The following CHN1 variants were observed in gnomAD, a reference collection of about 807,000 sequenced individuals.
CHN1 encodes chimerin 1.
A neutral mutation model predicts 59.5 loss-of-function variants in CHN1; 37 were observed. The ratio of observed to expected loss-of-function variants is 0.62; its 90% CI spans 0.48 to 0.82. The LOEUF is 0.82. Among genes scored for constraint, CHN1 ranks in the 40% least tolerant of loss-of-function variants. CHN1 has a pLI of 0.00. For synonymous variants in CHN1, 206 were observed against 200.4 expected (o/e 1.03, Z -0.24); for missense variants, 469 against 571.0 (o/e 0.82, Z 1.82).
At chr2:174,832,761 G>GA (rs776619520) in intron 7 of CHN1, among the ~76,000 whole-genome samples, 1 of 152,016 alleles carries the variant, frequency 6.6e-6, no homozygotes, top group Non-Finnish European at 1.5e-5. Flanking sequence ...TTCATTAGGT[G>GA]AACATTATAG....
intron 5 of CHN1, among the ~76,000 whole-genome samples, chr2:174,912,883 TG>T (rs1688742784): frequency 6.6e-6 from 1 of 152,190 alleles, no homozygotes. Context: ...AATGATTTTA[TG>T]GCAATTTTCA....
intron 1 of CHN1, among the ~76,000 whole-genome samples, chr2:174,980,118 A>G (rs1691093015): frequency 6.6e-6 from 1 of 152,152 alleles, no homozygotes; most frequent in Non-Finnish European, 1.5e-5. Flanking sequence ...CTTTTTCTCA[A>G]GTCTAAGTGA....
chr2:174,870,264 T>A lies in CHN1; in HGVS notation c.549+7576A>T, dbSNP rs535143709. On this transcript the variant is annotated intron_variant, in intron 6 of 12. Transcript: ENST00000409900. ...TAGTAGCCATTATAGCTGCCTATAATTTCCTGTTGAAAGAATCCCGTTACT... is the reference window on the plus strand; with the variant it reads ...TAGTAGCCATTATAGCTGCCTATAAATTCCTGTTGAAAGAATCCCGTTACT... Among the ~76,000 whole-genome samples, 24 of 152,308 alleles carry A rather than the reference T, an allele frequency of 1.6e-4. No individual in the cohort carries two copies. The East Asian group carries it at 4.6e-3, about 29-fold the overall frequency.
chr2:174,819,717 GGTTA>G (rs1400319213), intron 8 of CHN1, among the ~76,000 whole-genome samples: 2 of 151,668 alleles, frequency 1.3e-5, no homozygotes, highest in African/African-American at 4.9e-5. Flanking sequence ...ACAATGTGCA[GGTTA>G]GTTACATATG....
intron 1 of CHN1, among the ~76,000 whole-genome samples, chr2:174,988,884 A>T (rs1347867776): frequency 1.3e-5 from 2 of 152,238 alleles, no homozygotes; most frequent in African/African-American, 4.8e-5. Context: ...TTCAGTTCAC[A>T]TTACCATTTC....
chr2:174,831,046 G>T (rs1409693101), intron 7 of CHN1, among the ~76,000 whole-genome samples: 1 of 152,150 alleles, frequency 6.6e-6, no homozygotes, highest in Non-Finnish European at 1.5e-5. Context: ...ACAGGGAAAA[G>T]CTGGTAAAAT....
At chr2:174,965,497 T>C (rs1052778183) in intron 1 of CHN1, among the ~76,000 whole-genome samples, 2 of 152,132 alleles carry the variant, frequency 1.3e-5, no homozygotes, top group South Asian at 4.1e-4. Flanking sequence ...TTTTAAACAA[T>C]ATAATGAATT....
chr2:174,953,913 A>G (rs1181120772), intron 1 of CHN1, among the ~76,000 whole-genome samples: 1 of 152,142 alleles, frequency 6.6e-6, no homozygotes, highest in Non-Finnish European at 1.5e-5. Context: ...AAATACCACC[A>G]TTATTCTTCA....
chr2:174,842,634 G>A (rs887262720), intron 7 of CHN1, among the ~76,000 whole-genome samples: 5 of 152,152 alleles, frequency 3.3e-5, no homozygotes, highest in African/African-American at 4.8e-5. Context: ...ATTTGCCCAC[G>A]TCCTCGGGAG....
At chr2:174,808,819 A>C (rs1315716859) in intron 11 of CHN1, 86 bp downstream of exon 11, 2 of 1,402,212 alleles carry the variant, frequency 1.4e-6, no homozygotes, top group Non-Finnish European at 2.0e-6. Context: ...ATTTCATAAA[A>C]TGCATTCAAG....
chr2:174,880,756 A>G (rs1687706650), intron 5 of CHN1, among the ~76,000 whole-genome samples: 1 of 152,172 alleles, frequency 6.6e-6, no homozygotes, highest in South Asian at 2.1e-4. Flanking sequence ...AAATTTAAAA[A>G]AGTCTATCTT....
chr2:174,971,822 G>A (rs1241295938), intron 1 of CHN1, among the ~76,000 whole-genome samples: 1 of 152,126 alleles, frequency 6.6e-6, no homozygotes, highest in Non-Finnish European at 1.5e-5. Flanking sequence ...TAGAAACAAG[G>A]CAAACAGTGT....
rs749234310 is a variant in CHN1, at chr2:175,005,263, T to TGGCGGCGGCGGC, written c.-363_-352dup. 10 of 1,032,406 alleles carry TGGCGGCGGCGGC rather than the reference T, an allele frequency of 9.7e-6. No individual in the cohort carries two copies. The African/African-American group carries it at 1.7e-4, about 18-fold the overall frequency. The allele number at this position is 1,032,406 out of a possible 1,614,324, so 64.0% of individuals were successfully genotyped here. A position where few individuals can be genotyped will look rare whatever the true frequency, so the allele number is the denominator to read the frequency against. ...GGCTGGCGGAGAGGCGGCGCCGCACTGGCGGCGGCGGCGGCGGCGACGGGG... is the reference window on the plus strand; with the variant it reads ...GGCTGGCGGAGAGGCGGCGCCGCACTGGCGGCGGCGGCGGCGGCGGCGGCGGCGGCGACGGGG... On this transcript the variant is annotated 5_prime_UTR_variant, in exon 1 of 13. Transcript: ENST00000409900.
chr2:174,962,684 C>A (rs952228680), intron 1 of CHN1, among the ~76,000 whole-genome samples: 2 of 63,336 alleles, frequency 3.2e-5, no homozygotes, highest in Non-Finnish European at 6.2e-5. Flanking sequence ...GGGGGGGGGG[C>A]AGATCACCTG....
chr2:174,993,587 A>G (rs1691617737), intron 1 of CHN1, among the ~76,000 whole-genome samples: 1 of 151,920 alleles, frequency 6.6e-6, no homozygotes, highest in Non-Finnish European at 1.5e-5. Flanking sequence ...CACCAAAAAA[A>G]CACATGACAG....
chr2:174,839,604 ATT>A (rs34568874), intron 7 of CHN1, among the ~76,000 whole-genome samples: 120 of 142,264 alleles, frequency 8.4e-4, no homozygotes, highest in Non-Finnish European at 9.7e-4. Context: ...GCACTTAAAG[ATT>A]TTTTTTTTTT....
intron 3 of CHN1, among the ~76,000 whole-genome samples, chr2:174,928,117 C>T (rs1311803021): frequency 2.0e-5 from 3 of 152,050 alleles, no homozygotes; most frequent in African/African-American, 2.4e-5. Flanking sequence ...GCTAGTAAGT[C>T]GGTCAGCATT....
rs183590281 is a variant in CHN1 at position 174,963,629 on chromosome 2, T to C, written c.20-11427A>G. ...GGCCCTGGAGGGAACCTGGGCTGAG[T>C]TGTCAGGAGCCATCCACAAATAACG... On this transcript the variant is annotated intron_variant, in intron 1 of 12. Coordinates refer to ENST00000409900, the MANE Select transcript of CHN1 (RefSeq NM_001822.7). 4.1e-4 allele frequency among the ~76,000 whole-genome samples: 62 copies of C among 152,262 alleles called. 1 individual carries two copies. The highest frequency in any genetic ancestry group is 2.9e-3 in the Admixed American group (44 of 15,294).
chr2:174,802,071 G>A, intron 11 of CHN1: 2 of 346,338 alleles, frequency 5.8e-6, no homozygotes, highest in Non-Finnish European at 1.1e-5. Context: ...TGAGTATCTT[G>A]GAGTCTGACA....
Sources: allele counts gnomAD v4.1 joint callset (sites outside exome capture counted in the v4.1 genomes callset), GRCh38; gene constraint gnomAD v4.1.1; transcripts MANE v1.5; gene names NCBI Gene and HGNC (gene_info 2026-07-23, HGNC 2026-07-21).